The following ASPH variants were observed in gnomAD, a reference collection of about 807,000 sequenced individuals.
The protein encoded by ASPH is aspartate beta-hydroxylase.
Under a neutral mutation model 118.4 loss-of-function variants are expected in ASPH, and 100 were observed. The ratio of observed to expected loss-of-function variants is 0.84; its 90% confidence interval spans 0.72 to 1.00. The LOEUF (loss-of-function observed/expected upper bound fraction) is 1.00. ASPH is among the 50% of genes least tolerant of loss of function. The pLI, the probability that ASPH is intolerant of heterozygous loss-of-function variation, is 0.00. For missense variants in ASPH, 920 were observed against 919.5 expected (o/e 1.00, Z -0.01); for synonymous variants, 315 against 325.6 (o/e 0.97, Z 0.35).
At position 61,644,631 on chromosome 8, in the gene ASPH, T is replaced by A. The variant is rs1275766350; in HGVS notation, c.621A>T (p.Glu207Asp). Residue 207 changes from glutamate (E) to aspartate (D), a missense_variant and splice_region_variant, in exon 7 of 25, where the codon GAA becomes GAT. By Grantham distance (45) the Glu-to-Asp change is conservative. Coordinates refer to ENST00000379454, the MANE Select transcript of ASPH (RefSeq NM_004318.4). ...CTTCCACGTGGTAACTATGCTCGGT[T>A]TCTGGAAAAAAAAAAATTAGATTGA... is the stretch of plus-strand genomic sequence containing the variant. Reference protein sequence around the residue: ...ETLEPEVSHEETEHSYHVEET... With the variant: ...ETLEPEVSHEDTEHSYHVEET... The A allele has an allele frequency of 1.3e-6, 2 of 1,587,512 alleles. No individual in the cohort carries two copies. The highest frequency in any genetic ancestry group is 1.7e-6 in the Non-Finnish European group (2 of 1,166,962).
chr8:61,706,404 C>CAAAAAAAAAAAAAAAAAAAA (rs55731088), intron 1 of ASPH, among the ~76,000 whole-genome samples: 3 of 70,562 alleles, frequency 4.3e-5, no homozygotes, highest in Non-Finnish European at 4.9e-5. Context: ...GGTCATGACT[C>CAAAAAAAAAAAAAAAAAAAA]AAAAAAAAAA....
At chr8:61,560,595 T>C (rs1449122258) in intron 18 of ASPH, among the ~76,000 whole-genome samples, 1 of 152,150 alleles carries the variant, frequency 6.6e-6, no homozygotes, top group Admixed American at 6.5e-5. Flanking sequence ...ATTTTCAGTC[T>C]ATTCATGCTT....
chr8:61,627,791 T>G (rs1205755801), intron 13 of ASPH, among the ~76,000 whole-genome samples: 1 of 152,204 alleles, frequency 6.6e-6, no homozygotes. Flanking sequence ...TCAGAAGTGG[T>G]TATGGTGCAA....
chr8:61,703,510 G>T (rs926346094), intron 1 of ASPH, among the ~76,000 whole-genome samples: 1 of 151,744 alleles, frequency 6.6e-6, no homozygotes, highest in South Asian at 2.1e-4. Context: ...TTAAAAATAC[G>T]ATTTCTAATA....
intron 20 of ASPH, among the ~76,000 whole-genome samples, chr8:61,550,787 T>C (rs960766124): frequency 6.6e-6 from 1 of 152,194 alleles, no homozygotes; most frequent in African/African-American, 2.4e-5. Flanking sequence ...ACATCCAGGT[T>C]CTCACAGCTA....
intron 21 of ASPH, among the ~76,000 whole-genome samples, chr8:61,544,550 C>T (rs1165711119): frequency 1.3e-5 from 2 of 152,196 alleles, no homozygotes; most frequent in Non-Finnish European, 2.9e-5. Context: ...TCTAGGCCTT[C>T]CTCTCCTGGT....
intron 13 of ASPH, chr8:61,625,668 A>G (rs1348315518): frequency 2.6e-5 from 26 of 984,258 alleles, no homozygotes; most frequent in Non-Finnish European, 3.1e-5. Context: ...AATCAGCTAA[A>G]AGCTACAAAA....
At chr8:61,579,107 C>G in intron 15 of ASPH, 1 of 1,609,504 alleles carries the variant, frequency 6.2e-7, no homozygotes, top group Non-Finnish European at 8.5e-7. Context: ...CTGGGAAGCA[C>G]GGGGATGACC....
chr8:61,650,091 C>T (rs1306937994), intron 5 of ASPH, among the ~76,000 whole-genome samples: 1 of 152,060 alleles, frequency 6.6e-6, no homozygotes, highest in Non-Finnish European at 1.5e-5. Context: ...ACCATGACAG[C>T]ACTTACCCCA....
chr8:61,607,081 G>T lies in ASPH; in HGVS notation c.976+11897C>A, dbSNP rs554288308. On this transcript the variant is annotated intron_variant, in intron 14 of 24. Transcript: ENST00000379454. Reference sequence around the variant, plus strand: ...GTGTTCCCACAGCATTTTGTTCATAGTCTCTACCTCTTTACATTGTAGTTA... The same window carrying T: ...GTGTTCCCACAGCATTTTGTTCATATTCTCTACCTCTTTACATTGTAGTTA... 106 of 513,144 alleles carry T rather than the reference G, an allele frequency of 2.1e-4. 2 individuals carry two copies. The highest frequency in any genetic ancestry group is 1.4e-3 in the African/African-American group (72 of 50,768). 31.8% of individuals were successfully genotyped at this position (513,144 alleles called of 1,614,324 possible).
At chr8:61,673,204 G>A (rs1277730009) in intron 3 of ASPH, among the ~76,000 whole-genome samples, 3 of 152,144 alleles carry the variant, frequency 2.0e-5, no homozygotes, top group South Asian at 4.1e-4. Context: ...TATTCCATAT[G>A]TCCTCAGCAC....
rs558546312 is a variant in ASPH at position 61,625,839 on chromosome 8, T to C, written c.935-6820A>G. 362 of 991,664 alleles carry C rather than the reference T, an allele frequency of 3.7e-4. 1 individual carries two copies. In the African/African-American group the frequency reaches 6.1e-3, roughly 17 times the overall value. The allele number at this position is 991,664 out of a possible 1,614,324, so 61.4% of individuals were successfully genotyped here. A position where few individuals can be genotyped will look rare whatever the true frequency, so the allele number is the denominator to read the frequency against. ...AGTACTCTTAATAGCTTTTAAATCA[T>C]GTTTAACACAGTGTACACAAGTCAG... On this transcript the variant is annotated intron_variant, in intron 13 of 24. Coordinates refer to ENST00000379454, the MANE Select transcript of ASPH (RefSeq NM_004318.4).
At chr8:61,576,429 T>C (rs1474811437) in intron 16 of ASPH, among the ~76,000 whole-genome samples, 1 of 152,228 alleles carries the variant, frequency 6.6e-6, no homozygotes, top group African/African-American at 2.4e-5. Context: ...AACCTCCAGT[T>C]ATAAAACTGA....
chr8:61,643,994 T>C lies in ASPH; in HGVS notation c.660A>G (p.Gln220=). ...HSYHVEETVS[Q]DCNQDMEEMM... ...TCTCTTCCATATCCTGATTACAGTC[T>C]TGTGAAACTATAAATTATGGAATAA... The change falls in exon 8 of 25, where the codon CAA becomes CAG. Residue 220 remains glutamine (Q), a synonymous_variant. Transcript: ENST00000379454. 1 of 1,608,810 alleles carries C rather than the reference T, an allele frequency of 6.2e-7. No homozygotes were observed. Among genetic ancestry groups the C allele is most frequent in the Non-Finnish European group, 8.5e-7 (1 of 1,175,960 alleles).
At chr8:61,593,501 G>C (rs1055047410) in intron 14 of ASPH, among the ~76,000 whole-genome samples, 7 of 152,132 alleles carry the variant, frequency 4.6e-5, no homozygotes, top group African/African-American at 1.7e-4. Context: ...TTTTCACTGA[G>C]AGATGCTAAC....
At chr8:61,518,979 T>C (rs1006679555) in intron 22 of ASPH, among the ~76,000 whole-genome samples, 7 of 152,198 alleles carry the variant, frequency 4.6e-5, no homozygotes, top group African/African-American at 1.7e-4. Context: ...GAGGAACTGC[T>C]CACATGGAGA....
intron 3 of ASPH, chr8:61,658,609 A>G (rs1291285869): frequency 6.6e-6 from 1 of 152,206 alleles, no homozygotes; most frequent in African/African-American, 2.4e-5. Flanking sequence ...GACCCCTAAG[A>G]AGGGCTTTAA....
intron 15 of ASPH, chr8:61,579,471 G>A (rs1181969144): frequency 1.2e-5 from 19 of 1,602,568 alleles, no homozygotes; most frequent in South Asian, 5.5e-5. Flanking sequence ...GACCACCAGC[G>A]GCTATGCAGG....
At chr8:61,683,101 T>C (rs990632689) in intron 2 of ASPH, among the ~76,000 whole-genome samples, 6 of 152,090 alleles carry the variant, frequency 3.9e-5, no homozygotes, top group African/African-American at 1.2e-4. Flanking sequence ...TCATATAATG[T>C]ATGGTTCCAT....
Sources: gnomAD v4.1 joint callset for allele counts (sites outside exome capture counted in the v4.1 genomes callset) on GRCh38, gnomAD v4.1.1 for gene constraint, MANE v1.5 for transcripts, NCBI Gene and HGNC (gene_info 2026-07-23, HGNC 2026-07-21) for gene names.